Variants in ZBTB7A observed in about 807,000 individuals in gnomAD.
ZBTB7A encodes the protein zinc finger and BTB domain containing 7A.
In ZBTB7A, 7 loss-of-function variants were observed where a neutral mutation model predicts 26.7. The ratio of observed to expected loss-of-function variants is 0.26; its 90% CI spans 0.15 to 0.49. The LOEUF (loss-of-function observed/expected upper bound fraction) is 0.49. ZBTB7A is among the 20% of genes least tolerant of loss of function. ZBTB7A has a pLI of 0.98. For synonymous variants in ZBTB7A, 452 were observed against 441.0 expected, an observed-to-expected ratio of 1.02 and a Z score of -0.31; for missense variants, 617 against 919.5, an observed-to-expected ratio of 0.67 and a Z score of 4.25.
At chr19:4,063,113 C>T (rs1048443584) in intron 1 of ZBTB7A, among the ~76,000 whole-genome samples, 3 of 152,078 alleles carry the variant, frequency 2.0e-5, no homozygotes, top group African/African-American at 7.2e-5. Context: ...AGGTGTCTCA[C>T]GCAGTTCTGA....
At position 4,047,800 on chromosome 19, in the gene ZBTB7A, A is replaced by C. The variant is rs1284055067; in HGVS notation, c.1707T>G (p.Gly569=). The change falls in exon 3 of 3, where the codon GGT becomes GGG. Residue 569 remains glycine (G), a synonymous_variant. Coordinates refer to ENST00000322357, the MANE Select transcript of ZBTB7A (RefSeq NM_015898.4). ...AGAGGGGDSG[G]GPGAATDGNF... ...TACCGTCGGTGGCGGCCCCGGGGCC[A>C]CCTCCGCTGTCACCTCCTCCACCGG... 3.1e-6 allele frequency: 5 copies of C among 1,597,940 alleles called. No individual in the cohort carries two copies. Among genetic ancestry groups the C allele is most frequent in the Non-Finnish European group, 3.4e-6 (4 of 1,173,124 alleles).
At chr19:4,065,256 C>T (rs953845258) in intron 1 of ZBTB7A, among the ~76,000 whole-genome samples, 7 of 150,292 alleles carry the variant, frequency 4.7e-5, no homozygotes, top group African/African-American at 1.7e-4. Flanking sequence ...TCCCGCGGGT[C>T]GGAGCCGGAC....
rs1436460846 is a variant in ZBTB7A, at chr19:4,054,554, C to T, written c.679G>A (p.Glu227Lys). 8 of 1,471,606 alleles carry T rather than the reference C, an allele frequency of 5.4e-6. No homozygotes were observed. The highest frequency in any genetic ancestry group is 2.7e-5 in the Admixed American group (1 of 36,734). 91.2% of individuals were successfully genotyped at this position (1,471,606 alleles called of 1,614,324 possible). Reference sequence around the variant, plus strand: ...TCCCCGTCCCCCGTCGGGGGCCGCTCGGCCGGGGGGCCCGGCCCATAGAAG... The same window carrying T: ...TCCCCGTCCCCCGTCGGGGGCCGCTTGGCCGGGGGGCCCGGCCCATAGAAG... ...LDFYGPGPPA[E>K]RPPTGDGDEG... The change falls in exon 2 of 3, where the codon GAG (glutamate) becomes AAG (lysine). Residue 227 changes from glutamate (E) to lysine (K), a missense_variant. Physicochemically the swap from Glu to Lys is moderately conservative, Grantham distance 56 (BLOSUM62 1). Transcript: ENST00000322357.
intron 1 of ZBTB7A, among the ~76,000 whole-genome samples, chr19:4,060,631 C>T (rs1010760012): frequency 1.3e-5 from 2 of 152,198 alleles, no homozygotes; most frequent in African/African-American, 2.4e-5. Flanking sequence ...GGAAGGACCC[C>T]GGCATCCCAA....
intron 2 of ZBTB7A, among the ~76,000 whole-genome samples, chr19:4,049,162 G>GTATATATATATA (rs1253863952): frequency 7.6e-4 from 14 of 18,434 alleles, no homozygotes; most frequent in African/African-American, 1.2e-3. Context: ...GTGTGTGTGT[G>GTATATATATATA]TGTGTGTATA....
Position 4,066,692 on chromosome 19 carries a change from CGGGCCGGGGCGCGCG to C in ZBTB7A, c.-41_-27del. On this transcript the variant is annotated 5_prime_UTR_variant, in exon 1 of 3. Transcript: ENST00000322357. The stretch of plus-strand genomic sequence containing the variant: ...CGGGCGCTGACTTACCTCGCGGGGC[CGGGCCGGGGCGCGCG>C]GGGCCGGGGCCCGAAGTTGGGACTG... 1 of 151,154 alleles carries C rather than the reference CGGGCCGGGGCGCGCG, an allele frequency of 6.6e-6. No homozygotes were observed. Among genetic ancestry groups the C allele is most frequent in the South Asian group, 1.9e-4 (1 of 5,266 alleles). The allele number at this position is 151,154 out of a possible 1,614,324, so 9.4% of individuals were successfully genotyped here.
Position 4,043,328 on chromosome 19 carries a change from TTC to T in ZBTB7A, c.*4422_*4423del, listed in dbSNP as rs1568226237. ...GGTCGTAACAGGCTGCGTTTAGTGG[TTC>T]TTTTTTTTTTTTTATGTACAAGAAA... On this transcript the variant is annotated 3_prime_UTR_variant, in exon 3 of 3. Coordinates refer to ENST00000322357, the MANE Select transcript of ZBTB7A (RefSeq NM_015898.4). Among the ~76,000 whole-genome samples, 1 of 145,104 alleles carries T rather than the reference TTC, an allele frequency of 6.9e-6. No homozygotes were observed. The highest frequency in any genetic ancestry group is 2.5e-5 in the African/African-American group (1 of 39,616).
rs2040548390 is a variant in ZBTB7A, at chr19:4,054,460, G to A, written c.773C>T (p.Pro258Leu). 10 of 1,361,884 alleles carry A rather than the reference G, an allele frequency of 7.3e-6. No individual in the cohort carries two copies. Among genetic ancestry groups the A allele is most frequent in the East Asian group, 3.1e-5 (1 of 32,474 alleles). The allele number at this position is 1,361,884 out of a possible 1,614,324, so 84.4% of individuals were successfully genotyped here. The change falls in exon 2 of 3, where the codon CCG becomes CTG. Residue 258 changes from proline (P) to leucine (L), a missense_variant. Pro to Leu is a moderately conservative substitution (Grantham distance 98). This residue lies in a region of ZBTB7A where 331 missense variants were observed against 391.3 expected (regional missense o/e 0.85). Transcript: ENST00000322357. ...GGCGGCCGGCGGGGCCACCGGCGGCGGAAAGAGACCCCCGGTGGGGGCGTC... is the reference window on the plus strand; with the variant it reads ...GGCGGCCGGCGGGGCCACCGGCGGCAGAAAGAGACCCCCGGTGGGGGCGTC... ...DEDAPTGGLF[P>L]PPVAPPAATQ...
In ZBTB7A at chr19:4,054,840, G is replaced by T. The variant is rs780835865; in HGVS notation, c.393C>A (p.Ile131=). 19 of 1,606,828 alleles carry T rather than the reference G, an allele frequency of 1.2e-5. No homozygotes were observed. The highest frequency in any genetic ancestry group is 1.1e-4 in the African/African-American group (8 of 74,752). The change falls in exon 2 of 3, where the codon ATC becomes ATA. Residue 131 remains isoleucine (I), a synonymous_variant. Transcript: ENST00000322357. The part of the protein sequence containing the change: ...HVCADLLDRQ[I]LAADAGADAG... Reference sequence around the variant, plus strand: ...CGTCGGCGCCCGCGTCGGCCGCCAGGATCTGCCGGTCCAGGAGGTCGGCGC... The same window carrying T: ...CGTCGGCGCCCGCGTCGGCCGCCAGTATCTGCCGGTCCAGGAGGTCGGCGC...
Position 4,054,693 on chromosome 19 carries a change from AGCGGCG to A in ZBTB7A, c.534_539del (p.Ala180_Ala181del), listed in dbSNP as rs574710232. ...CAAAGGCGGACCACGGGAAGCTGGC[AGCGGCG>A]GCGGCGGCCGCGGGGGGCAGGCTGT... On this transcript the variant is annotated inframe_deletion, in exon 2 of 3. Transcript: ENST00000322357. 2 of 1,588,160 alleles carry A rather than the reference AGCGGCG, an allele frequency of 1.3e-6. No individual in the cohort carries two copies. Among genetic ancestry groups the A allele is most frequent in the African/African-American group, 1.3e-5 (1 of 74,338 alleles).
rs1327515924 is a variant in ZBTB7A, at chr19:4,052,290, G to A, written c.1262+1681C>T. ...ACCCCAGTTCTCTGCACCCCACCAA[G>A]CTGCTCTTCCTGAGCTCAGAGACGA... On this transcript the variant is annotated intron_variant, in intron 2 of 2. Transcript: ENST00000322357. The surrounding 1 kb of genome is among the most constrained non-coding windows in gnomAD (Gnocchi z 4.9). Among the ~76,000 whole-genome samples the A allele has an allele frequency of 1.3e-5, 2 of 152,174 alleles. No individual in the cohort carries two copies. Among genetic ancestry groups the A allele is most frequent in the African/African-American group, 4.8e-5 (2 of 41,446 alleles).
intron 1 of ZBTB7A, among the ~76,000 whole-genome samples, chr19:4,063,435 G>A (rs563488955): frequency 2.6e-5 from 4 of 152,334 alleles, no homozygotes; most frequent in Admixed American, 2.0e-4. Flanking sequence ...GAGGACCAAG[G>A]TGAGACGAGT....
chr19:4,047,890 C>A lies in ZBTB7A; in HGVS notation c.1617G>T (p.Lys539Asn). 1 of 1,586,692 alleles carries A rather than the reference C, an allele frequency of 6.3e-7. No homozygotes were observed. ...CCACGTCCTCGTCCTCGTCCTCGTC[C>A]TTAAAGTGCTTCTCCTGGCCGTTGC... is the stretch of plus-strand genomic sequence containing the variant. Reference protein sequence around the residue: ...ARRNGQEKHFKDEDEDEDVAS... With the variant: ...ARRNGQEKHFNDEDEDEDVAS... Residue 539 changes from lysine to asparagine, a missense_variant, in exon 3 of 3, where the codon AAG becomes AAT. Transcript: ENST00000322357.
At position 4,047,692 on chromosome 19, in the gene ZBTB7A, A is replaced by AT. The variant is rs564282813; in HGVS notation, c.*59dup. The AT allele has an allele frequency of 5.9e-4, 906 of 1,531,092 alleles. 4 individuals carry two copies. The African/African-American group carries it at 0.011, about 19-fold the overall frequency. The allele number at this position is 1,531,092 out of a possible 1,614,324, so 94.8% of individuals were successfully genotyped here. The stretch of plus-strand genomic sequence containing the variant: ...TGTGTTTTTGGGGGGGTGGTGGGTG[A>AT]TTTTTTTTCTCTCTCTCTGTCTCTC... On this transcript the variant is annotated 3_prime_UTR_variant, in exon 3 of 3. Transcript: ENST00000322357.
chr19:4,060,005 C>T (rs2040622735), intron 1 of ZBTB7A, among the ~76,000 whole-genome samples: 1 of 151,780 alleles, frequency 6.6e-6, no homozygotes, highest in African/African-American at 2.4e-5. Context: ...GCCAGGTCCC[C>T]ACCCCTGCCG....
At chr19:4,050,176 C>T (rs552657740) in intron 2 of ZBTB7A, among the ~76,000 whole-genome samples, 3 of 152,272 alleles carry the variant, frequency 2.0e-5, no homozygotes, top group African/African-American at 7.2e-5. Flanking sequence ...CCACCCGCCT[C>T]GGCCTCCCCA....
In ZBTB7A at chr19:4,052,231, T is replaced by C. The variant is rs879505050; in HGVS notation, c.1262+1740A>G. ...TGCGGCCAGGGAGGCAGGGTGGGGG[T>C]CACCACCTTCGCTCAGCCTGGTCCC... is the stretch of plus-strand genomic sequence containing the variant. On this transcript the variant is annotated intron_variant, in intron 2 of 2. Transcript: ENST00000322357. The surrounding 1 kb of genome is among the most constrained non-coding windows in gnomAD (Gnocchi z 4.9). 6.6e-6 allele frequency among the ~76,000 whole-genome samples: 1 copy of C among 151,252 alleles called. No homozygotes were observed. The highest frequency in any genetic ancestry group is 1.5e-5 in the Non-Finnish European group (1 of 67,754).
In ZBTB7A at chr19:4,045,617, T is replaced by TG. The variant is rs992654371; in HGVS notation, c.*2134dup. On this transcript the variant is annotated 3_prime_UTR_variant, in exon 3 of 3. Coordinates refer to ENST00000322357, the MANE Select transcript of ZBTB7A (RefSeq NM_015898.4). The surrounding 1 kb of genome is among the most constrained non-coding windows in gnomAD (Gnocchi z 4.1). ...TGTGTGTGTCACAGAGAAGGGGGTA[T>TG]GGGGGGGTCGGGGGCAGGGAGACAC... is the stretch of plus-strand genomic sequence containing the variant. 26 of 208,144 alleles carry TG rather than the reference T, an allele frequency of 1.2e-4. No individual in the cohort carries two copies. Among genetic ancestry groups the TG allele is most frequent in the African/African-American group, 4.5e-4 (6 of 13,276 alleles). The allele number at this position is 208,144 out of a possible 1,614,324, so 12.9% of individuals were successfully genotyped here. A position where few individuals can be genotyped will look rare whatever the true frequency, so the allele number is the denominator to read the frequency against.
At chr19:4,063,354 G>A (rs917342106) in intron 1 of ZBTB7A, among the ~76,000 whole-genome samples, 1 of 152,190 alleles carries the variant, frequency 6.6e-6, no homozygotes, top group African/African-American at 2.4e-5. Flanking sequence ...CATCTGGGCT[G>A]CAGTGGGCTG....
Sources: gnomAD v4.1 joint callset for allele counts (sites outside exome capture counted in the v4.1 genomes callset) on GRCh38, gnomAD v4.1.1 for gene constraint, gnomAD v4.1.1 regional missense constraint, Gnocchi (gnomAD v3.1) non-coding constraint, MANE v1.5 for transcripts, NCBI Gene and HGNC (gene_info 2026-07-23, HGNC 2026-07-21) for gene names.